CNTN3: variants seen among roughly 807,000 people sequenced by gnomAD.
The protein encoded by CNTN3 is contactin 3.
Under a neutral mutation model 119.1 loss-of-function variants are expected in CNTN3, and 60 were observed. That is an observed-to-expected ratio of 0.50 (90% CI 0.41 to 0.62). The LOEUF (loss-of-function observed/expected upper bound fraction) is 0.62, where lower values mean the gene tolerates loss of function less well. Among genes scored for constraint, CNTN3 ranks in the 20% least tolerant of loss-of-function variants. CNTN3 has a pLI of 0.00. For synonymous variants in CNTN3, 450 were observed against 438.7 expected (o/e 1.03, Z -0.32); for missense variants, 1,101 against 1,242.4 (o/e 0.89, Z 1.71).
chr3:74,560,029 T>C (rs1559658050), intron 1 of CNTN3, among the ~76,000 whole-genome samples: 1 of 152,178 alleles, frequency 6.6e-6, no homozygotes, highest in Non-Finnish European at 1.5e-5. Flanking sequence ...ATGCTATTTC[T>C]GCAGTCACCC....
intron 1 of CNTN3, among the ~76,000 whole-genome samples, chr3:74,580,776 C>T (rs1041587006): frequency 5.9e-5 from 9 of 152,154 alleles, no homozygotes; most frequent in African/African-American, 2.2e-4. Context: ...CTAGTGGTGC[C>T]AACATGGCTT....
At chr3:74,365,751 A>T (rs771493573) in intron 8 of CNTN3, 49 bp from the exon 9 acceptor site, 1 of 1,573,080 alleles carries the variant, frequency 6.4e-7, no homozygotes, top group African/African-American at 1.4e-5. Flanking sequence ...CCACCCAGCA[A>T]ATAAAATGTA....
intron 3 of CNTN3, among the ~76,000 whole-genome samples, chr3:74,492,569 G>T (rs1189288369): frequency 6.6e-6 from 1 of 152,120 alleles, no homozygotes; most frequent in Non-Finnish European, 1.5e-5. Context: ...AACAATTTTT[G>T]ATTCCTGAAT....
chr3:74,278,720 C>A (rs189562902), intron 20 of CNTN3, among the ~76,000 whole-genome samples: 30 of 152,180 alleles, frequency 2.0e-4, no homozygotes, highest in Admixed American at 5.9e-4. Context: ...TGACCAAGAA[C>A]CCAAAAGCAA....
chr3:74,369,855 T>A lies in CNTN3; in HGVS notation c.761+34A>T, dbSNP rs747921254. The A allele has an allele frequency of 3.6e-6, 4 of 1,119,184 alleles. No homozygotes were observed. In the Admixed American group the frequency reaches 7.6e-5, roughly 21 times the overall value. The allele number at this position is 1,119,184 out of a possible 1,614,324, so 69.3% of individuals were successfully genotyped here. On this transcript the variant is annotated intron_variant, in intron 7 of 22. Transcript: ENST00000263665. Reference sequence around the variant, plus strand: ...CTGATTTCTTATAGCAACCTAATATTTCAGCACATAGGAGTAAATGTTATA... The same window carrying A: ...CTGATTTCTTATAGCAACCTAATATATCAGCACATAGGAGTAAATGTTATA...
chr3:74,506,749 A>AC lies in CNTN3; in HGVS notation c.56-6965_56-6964insG, dbSNP rs1433334626. Among the ~76,000 whole-genome samples, 16 of 42,090 alleles carry AC rather than the reference A, an allele frequency of 3.8e-4. No individual in the cohort carries two copies. In the Admixed American group the frequency reaches 4.2e-3, roughly 11 times the overall value. The allele number at this position is 42,090 out of a possible 152,430, so 27.6% of individuals were successfully genotyped here. ...GGTCCATTTATCTGAAAAAAAAAAA[A>AC]AAACAACACTTACATTCCCTCTTTC... On this transcript the variant is annotated intron_variant, in intron 2 of 22. Coordinates refer to ENST00000263665, the MANE Select transcript of CNTN3 (RefSeq NM_020872.3).
intron 13 of CNTN3, among the ~76,000 whole-genome samples, chr3:74,327,083 A>T (rs494018): frequency 0.39 from 57,919 of 147,312 alleles, 14,131 homozygotes; most frequent in East Asian, 0.71. Context: ...GGATATCCTA[A>T]AGTAGCTTAT....
intron 20 of CNTN3, among the ~76,000 whole-genome samples, chr3:74,273,277 A>G (rs1374767632): frequency 6.6e-6 from 1 of 152,146 alleles, no homozygotes; most frequent in Non-Finnish European, 1.5e-5. Context: ...AGACACACCT[A>G]CTTGGAACAG....
chr3:74,572,957 A>G (rs775772000), intron 1 of CNTN3, among the ~76,000 whole-genome samples: 2 of 152,186 alleles, frequency 1.3e-5, no homozygotes, highest in Non-Finnish European at 2.9e-5. Context: ...CATCTTTAAA[A>G]CACCACATTG....
chr3:74,465,408 A>G (rs1283865696), intron 4 of CNTN3, among the ~76,000 whole-genome samples: 1 of 152,166 alleles, frequency 6.6e-6, no homozygotes, highest in Non-Finnish European at 1.5e-5. Flanking sequence ...AACAAAAACA[A>G]ATAAACAAAA....
At chr3:74,527,398 A>T (rs760304314) in intron 1 of CNTN3, among the ~76,000 whole-genome samples, 17 of 151,866 alleles carry the variant, frequency 1.1e-4, no homozygotes, top group South Asian at 6.2e-4. Context: ...TTGTATGTAT[A>T]TTGCAGTAGA....
Position 74,573,561 on chromosome 3 carries a change from A to T in CNTN3, c.-81+40830T>A, listed in dbSNP as rs934363852. On this transcript the variant is annotated intron_variant, in intron 1 of 22. Coordinates refer to ENST00000263665, the MANE Select transcript of CNTN3 (RefSeq NM_020872.3). ...ACCAAGTATCTGTTAAGGGTTTGGTACTCAGAATACATAAAGAATTCTTAT... is the reference window on the plus strand; with the variant it reads ...ACCAAGTATCTGTTAAGGGTTTGGTTCTCAGAATACATAAAGAATTCTTAT... 5.9e-5 allele frequency among the ~76,000 whole-genome samples: 9 copies of T among 152,276 alleles called. No homozygotes were observed. In the East Asian group the frequency reaches 9.7e-4, roughly 16 times the overall value.
chr3:74,520,517 T>G (rs1703525909), intron 2 of CNTN3, among the ~76,000 whole-genome samples: 1 of 151,452 alleles, frequency 6.6e-6, no homozygotes, highest in Non-Finnish European at 1.5e-5. Flanking sequence ...AAATGATTTG[T>G]AATAGTTGCT....
chr3:74,524,945 G>A (rs1323278572), intron 1 of CNTN3, among the ~76,000 whole-genome samples: 4 of 151,830 alleles, frequency 2.6e-5, no homozygotes, highest in Non-Finnish European at 4.4e-5. Flanking sequence ...AAATACACGT[G>A]GCAAAGCTCA....
At chr3:74,416,896 G>A (rs892032911) in intron 5 of CNTN3, among the ~76,000 whole-genome samples, 3 of 151,968 alleles carry the variant, frequency 2.0e-5, no homozygotes, top group African/African-American at 7.3e-5. Context: ...GTTGAGGCAT[G>A]AGAATTGCTT....
intron 1 of CNTN3, among the ~76,000 whole-genome samples, chr3:74,545,134 A>G (rs1703896695): frequency 6.6e-6 from 1 of 152,214 alleles, no homozygotes; most frequent in African/African-American, 2.4e-5. Flanking sequence ...GGTATTAGTA[A>G]AAGTAATTGT....
At chr3:74,525,562 T>C (rs1022069990) in intron 1 of CNTN3, among the ~76,000 whole-genome samples, 3 of 151,816 alleles carry the variant, frequency 2.0e-5, no homozygotes, top group South Asian at 4.1e-4. Flanking sequence ...CAAAATATCA[T>C]CTGCTACAAT....
intron 5 of CNTN3, among the ~76,000 whole-genome samples, chr3:74,414,121 T>G (rs1701482326): frequency 6.6e-6 from 1 of 152,192 alleles, no homozygotes; most frequent in African/African-American, 2.4e-5. Flanking sequence ...TGTGGATGGA[T>G]GAAAGTCAGG....
intron 4 of CNTN3, among the ~76,000 whole-genome samples, chr3:74,455,923 AT>A (rs1474642882): frequency 3.3e-5 from 5 of 152,094 alleles, no homozygotes; most frequent in Non-Finnish European, 7.4e-5. Context: ...TTTGTAATAA[AT>A]TCCCCAGTGA....
Sources: gnomAD v4.1 joint callset for allele counts (sites outside exome capture counted in the v4.1 genomes callset) on GRCh38, gnomAD v4.1.1 for gene constraint, MANE v1.5 for transcripts, NCBI Gene and HGNC (gene_info 2026-07-23, HGNC 2026-07-21) for gene names.